TNRC6B: variants seen among roughly 807,000 people sequenced by gnomAD.
TNRC6B encodes the protein trinucleotide repeat containing adaptor 6B.
In TNRC6B, 52 loss-of-function variants were observed where a neutral mutation model predicts 203.6. The ratio of observed to expected loss-of-function variants is 0.26; its 90% CI spans 0.20 to 0.32. The LOEUF (loss-of-function observed/expected upper bound fraction) is 0.32, where lower values mean the gene tolerates loss of function less well. Ranked by LOEUF, TNRC6B falls within the 10% of genes least tolerant of loss-of-function variation. The pLI is 1.00. For synonymous variants in TNRC6B, 838 were observed against 845.7 expected (o/e 0.99, Z 0.16); for missense variants, 1,923 against 2,286.2 (o/e 0.84, Z 3.24).
rs866067248 is a variant in TNRC6B at position 40,162,967 on chromosome 22, T to G, written c.113+6785T>G. Among the ~76,000 whole-genome samples, 18 of 152,326 alleles carry G rather than the reference T, an allele frequency of 1.2e-4. No individual in the cohort carries two copies. In the Middle Eastern group the frequency reaches 0.014, roughly 115 times the overall value. ...ACTAGATCTTTGGGGAACTTTCAGTTGCTAATAAATTTTGTAATTTGCATT... is the reference window on the plus strand; with the variant it reads ...ACTAGATCTTTGGGGAACTTTCAGTGGCTAATAAATTTTGTAATTTGCATT... On this transcript the variant is annotated intron_variant, in intron 4 of 23. Coordinates refer to the TNRC6B transcript ENST00000301923.
intron 1 of TNRC6B, among the ~76,000 whole-genome samples, chr22:40,104,720 A>G (rs75886323): frequency 1.3e-5 from 2 of 152,326 alleles, no homozygotes; most frequent in African/African-American, 4.8e-5. Flanking sequence ...GTCAGAGTAT[A>G]TTGATGATAT....
intron 1 of TNRC6B, among the ~76,000 whole-genome samples, chr22:40,219,799 C>A (rs2069683583): frequency 6.6e-6 from 1 of 152,164 alleles, no homozygotes; most frequent in Non-Finnish European, 1.5e-5. Flanking sequence ...TGTCCTATTA[C>A]CCTGTCTGGT....
intron 1 of TNRC6B, among the ~76,000 whole-genome samples, chr22:40,183,334 A>G (rs951940343): frequency 6.6e-5 from 10 of 152,146 alleles, no homozygotes; most frequent in Non-Finnish European, 1.0e-4. Context: ...GTTCTTTCTC[A>G]TGGCTACCAG....
intron 1 of TNRC6B, among the ~76,000 whole-genome samples, chr22:40,103,031 C>T (rs983145251): frequency 6.6e-6 from 1 of 151,926 alleles, no homozygotes. Flanking sequence ...GAGCCAAGAT[C>T]GCACCATTGC....
chr22:40,237,702 C>T (rs988052057), intron 1 of TNRC6B, among the ~76,000 whole-genome samples: 5 of 152,136 alleles, frequency 3.3e-5, no homozygotes, highest in African/African-American at 1.2e-4. Context: ...TTCTCTTGGC[C>T]TGGTCACTCA....
intron 1 of TNRC6B, among the ~76,000 whole-genome samples, chr22:40,178,575 T>A: frequency 6.6e-6 from 1 of 152,246 alleles, no homozygotes; most frequent in East Asian, 1.9e-4. Flanking sequence ...GGGCAAGCCC[T>A]AGAACGGGAA....
chr22:40,152,434 C>T (rs576707704), intron 3 of TNRC6B, among the ~76,000 whole-genome samples: 1 of 152,228 alleles, frequency 6.6e-6, no homozygotes, highest in African/African-American at 2.4e-5. Flanking sequence ...TCATGCCATT[C>T]TTCTGCCTCA....
chr22:40,320,579 C>T (rs1275494886), intron 21 of TNRC6B, among the ~76,000 whole-genome samples: 1 of 152,202 alleles, frequency 6.6e-6, no homozygotes, highest in African/African-American at 2.4e-5. Flanking sequence ...TCCCTAATCG[C>T]TGAAGATCTT....
chr22:40,046,645 A>ATT (rs754235884), intron 1 of TNRC6B, among the ~76,000 whole-genome samples: 56 of 130,808 alleles, frequency 4.3e-4, no homozygotes, highest in African/African-American at 8.6e-4. Flanking sequence ...CAGAGTCTCA[A>ATT]TTTTTTTTTT....
At chr22:40,076,316 C>G (rs936624236) in intron 1 of TNRC6B, among the ~76,000 whole-genome samples, 1 of 152,122 alleles carries the variant, frequency 6.6e-6, no homozygotes, top group African/African-American at 2.4e-5. Context: ...ACTCAGGAGG[C>G]TGAGATAGAT....
intron 1 of TNRC6B, among the ~76,000 whole-genome samples, chr22:40,210,031 AAG>A (rs914043192): frequency 6.6e-6 from 1 of 150,702 alleles, no homozygotes; most frequent in Non-Finnish European, 1.5e-5. Flanking sequence ...AAAAAAAAAA[AAG>A]AGAGAATGCA....
intron 1 of TNRC6B, among the ~76,000 whole-genome samples, chr22:40,221,175 TC>T (rs1178985867): frequency 2.0e-5 from 3 of 152,304 alleles, no homozygotes; most frequent in African/African-American, 7.2e-5. Flanking sequence ...CTTTCACCAT[TC>T]CATGTGACAC....
chr22:40,091,159 T>A (rs1278248656), intron 1 of TNRC6B, among the ~76,000 whole-genome samples: 5 of 151,964 alleles, frequency 3.3e-5, no homozygotes, highest in African/African-American at 4.8e-5. Context: ...TTTTTTTTTT[T>A]ATTTTAGTAG....
At chr22:40,316,837 A>G (rs2071266501) in intron 21 of TNRC6B, among the ~76,000 whole-genome samples, 1 of 152,194 alleles carries the variant, frequency 6.6e-6, no homozygotes, top group Admixed American at 6.5e-5. Flanking sequence ...CAAAAGTGAA[A>G]GTTAGTTTTA....
intron 8 of TNRC6B, 108 bp from the exon 9 acceptor site, chr22:40,277,891 C>A (rs1347571498): frequency 6.2e-5 from 49 of 787,264 alleles, no homozygotes; most frequent in South Asian, 5.2e-4. Context: ...TTTCAGAGAA[C>A]CTTCTATGGT....
intron 1 of TNRC6B, among the ~76,000 whole-genome samples, chr22:40,097,669 TACACACACACACAC>T (rs6147625): frequency 0.011 from 1,538 of 135,620 alleles, 16 homozygotes; most frequent in Admixed American, 0.017. Flanking sequence ...AGGTATATCA[TACACACACACACAC>T]ACACACACAC....
At position 40,266,829 on chromosome 22, in the gene TNRC6B, C is replaced by T; in HGVS notation, c.2599C>T (p.Pro867Ser). 3 of 1,613,958 alleles carry T rather than the reference C, an allele frequency of 1.9e-6. No individual in the cohort carries two copies. Among genetic ancestry groups the T allele is most frequent in the Admixed American group, 1.7e-5 (1 of 60,016 alleles). Residue 867 changes from proline to serine, a missense_variant, in exon 5 of 23, where the codon CCT becomes TCT. This residue lies in a region of TNRC6B where 599 missense variants were observed against 656.5 expected (regional missense o/e 0.91). Coordinates refer to ENST00000454349, the MANE Select transcript of TNRC6B (RefSeq NM_001162501.2). ...SWSSGPQPAT[P>S]KDEEPSGWEE... ...GAGCAGCGGGCCACAGCCTGCAACACCTAAGGATGAGGAACCCAGTGGTTG... is the reference window on the plus strand; with the variant it reads ...GAGCAGCGGGCCACAGCCTGCAACATCTAAGGATGAGGAACCCAGTGGTTG...
chr22:40,156,256 C>T (rs2068818014), intron 4 of TNRC6B: 3 of 1,437,696 alleles, frequency 2.1e-6, no homozygotes, highest in Admixed American at 2.0e-5. Flanking sequence ...TGCTGATAAG[C>T]GTGTTTGTCA....
At chr22:40,155,974 T>G (rs2068815666) in intron 3 of TNRC6B, 1 of 619,302 alleles carries the variant, frequency 1.6e-6, no homozygotes, top group Non-Finnish European at 2.7e-6. Context: ...AGGAGAAGTT[T>G]GAAAACCATT....
Sources: allele counts gnomAD v4.1 joint callset (sites outside exome capture counted in the v4.1 genomes callset), GRCh38; gene constraint gnomAD v4.1.1; regional missense constraint gnomAD v4.1.1; transcripts MANE v1.5; gene names NCBI Gene and HGNC (gene_info 2026-07-23, HGNC 2026-07-21).